Variants in MAGI1 observed in about 807,000 individuals in gnomAD.
The protein encoded by MAGI1 is membrane-associated guanylate kinase, WW and PDZ domain-containing protein 1.
In MAGI1, 58 loss-of-function variants were observed where a neutral mutation model predicts 139.9. The observed-to-expected ratio is 0.41, with a 90% CI of 0.34 to 0.52. MAGI1 has a LOEUF of 0.52. Among genes scored for constraint, MAGI1 ranks in the 20% least tolerant of loss-of-function variants. The pLI, the probability that MAGI1 is intolerant of heterozygous loss-of-function variation, is 0.12. For missense variants in MAGI1, 1,874 were observed against 1,901.6 expected, an observed-to-expected ratio of 0.99 and a Z score of 0.27; for synonymous variants, 812 against 737.9, an observed-to-expected ratio of 1.10 and a Z score of -1.63.
chr3:65,360,438 A>C, intron 22 of MAGI1: 1 of 982,976 alleles, frequency 1.0e-6, no homozygotes, highest in Non-Finnish European at 1.2e-6. Context: ...CCATCAGAAC[A>C]CTAAGCTATG....
At chr3:65,793,896 A>G (rs1293691148) in intron 1 of MAGI1, among the ~76,000 whole-genome samples, 6 of 152,260 alleles carry the variant, frequency 3.9e-5, no homozygotes, top group Non-Finnish European at 8.8e-5. Flanking sequence ...TTCTTTGTAG[A>G]TACAGATGCT....
chr3:65,968,744 T>C (rs1339245359), intron 1 of MAGI1, among the ~76,000 whole-genome samples: 1 of 152,100 alleles, frequency 6.6e-6, no homozygotes, highest in Non-Finnish European at 1.5e-5. Flanking sequence ...TTTATTATGA[T>C]TGAATTTTTT....
chr3:65,830,708 G>C (rs911207162), intron 1 of MAGI1, among the ~76,000 whole-genome samples: 10 of 152,168 alleles, frequency 6.6e-5, no homozygotes, highest in Non-Finnish European at 1.5e-4. Context: ...AATCAGATGT[G>C]TCCAAGTGAT....
intron 18 of MAGI1, among the ~76,000 whole-genome samples, chr3:65,370,925 G>A (rs1430697080): frequency 6.6e-6 from 1 of 152,222 alleles, no homozygotes; most frequent in African/African-American, 2.4e-5. Flanking sequence ...CACAAGTGCT[G>A]GGATTACAGG....
chr3:65,812,762 G>A (rs2041356421), intron 1 of MAGI1, among the ~76,000 whole-genome samples: 1 of 128,084 alleles, frequency 7.8e-6, no homozygotes, highest in Admixed American at 9.5e-5. Context: ...CCAGGCTGGA[G>A]TGCAATGGTG....
At chr3:65,582,384 T>A (rs1423136856) in intron 2 of MAGI1, among the ~76,000 whole-genome samples, 4 of 152,172 alleles carry the variant, frequency 2.6e-5, no homozygotes. Flanking sequence ...CCTAGTCTCC[T>A]CATGGTTGGT....
intron 1 of MAGI1, among the ~76,000 whole-genome samples, chr3:65,871,675 G>A (rs2059944071): frequency 6.6e-6 from 1 of 152,190 alleles, no homozygotes; most frequent in Non-Finnish European, 1.5e-5. Flanking sequence ...AAATCAGGCT[G>A]GGGGACTTAA....
chr3:65,491,083 C>G (rs1311688781), intron 3 of MAGI1, among the ~76,000 whole-genome samples: 1 of 151,950 alleles, frequency 6.6e-6, no homozygotes, highest in Non-Finnish European at 1.5e-5. Flanking sequence ...TGCTATACAC[C>G]AGGAAGTTAG....
rs149239898 is a variant in MAGI1, at chr3:65,755,814, A to C, written c.314-133726T>G. ...ATAAAATCTTATTAACCTCATGCCA[A>C]CTCATTTCAGATAGTTCTAATTTAA... is the stretch of plus-strand genomic sequence containing the variant. On this transcript the variant is annotated intron_variant, in intron 1 of 22. Transcript: ENST00000402939. Among the ~76,000 whole-genome samples, 47 of 152,280 alleles carry C rather than the reference A, an allele frequency of 3.1e-4. No homozygotes were observed. The East Asian group carries it at 7.9e-3, about 26-fold the overall frequency.
intron 5 of MAGI1, among the ~76,000 whole-genome samples, chr3:65,457,255 A>T (rs1949461474): frequency 6.6e-6 from 1 of 152,180 alleles, no homozygotes. Flanking sequence ...ATTGTATGTA[A>T]TACTTTATGA....
intron 7 of MAGI1, among the ~76,000 whole-genome samples, 155 bp downstream of exon 7, chr3:65,447,867 G>T (rs185914817): frequency 9.7e-4 from 147 of 152,322 alleles, no homozygotes; most frequent in Non-Finnish European, 1.9e-3. Context: ...CACGCAGGTT[G>T]TAAGACTGAC....
intron 1 of MAGI1, among the ~76,000 whole-genome samples, chr3:65,959,833 T>G (rs1262752548): frequency 1.8e-5 from 2 of 109,534 alleles, no homozygotes; most frequent in African/African-American, 6.9e-5. Flanking sequence ...TGAGACAGAG[T>G]CTCACTCTGT....
intron 1 of MAGI1, among the ~76,000 whole-genome samples, chr3:65,759,974 C>CTT (rs1274578335): frequency 2.0e-5 from 3 of 152,308 alleles, no homozygotes; most frequent in African/African-American, 7.2e-5. Context: ...CTAACCTTCA[C>CTT]TTTCCTGAGC....
At chr3:65,385,461 G>A (rs534137229) in intron 14 of MAGI1, among the ~76,000 whole-genome samples, 3 of 152,314 alleles carry the variant, frequency 2.0e-5, no homozygotes, top group Admixed American at 2.0e-4. Context: ...GCGCAGGCCT[G>A]AGAATTTAAT....
chr3:65,364,765 A>G (rs1941246394), intron 19 of MAGI1, 40 bp from the exon 20 acceptor site: 2 of 1,608,500 alleles, frequency 1.2e-6, no homozygotes, highest in East Asian at 2.2e-5. Context: ...GCAACCCATT[A>G]GCAAACTGAG....
intron 1 of MAGI1, among the ~76,000 whole-genome samples, chr3:66,024,673 G>C (rs1184446460): frequency 6.6e-6 from 1 of 152,164 alleles, no homozygotes; most frequent in Non-Finnish European, 1.5e-5. Flanking sequence ...GGGTGTGGTG[G>C]TGCATGCCTG....
intron 2 of MAGI1, among the ~76,000 whole-genome samples, chr3:65,615,169 G>A (rs1178990716): frequency 6.6e-6 from 1 of 152,154 alleles, no homozygotes; most frequent in East Asian, 1.9e-4. Flanking sequence ...CCATCACAAT[G>A]TCAGTTTTAT....
intron 2 of MAGI1, chr3:65,549,366 TCTTCCTG>T: frequency 1.3e-6 from 1 of 788,376 alleles, no homozygotes; most frequent in Non-Finnish European, 1.5e-6. Flanking sequence ...TCCCCTCCCC[TCTTCCTG>T]CTGTCACTTC....
At chr3:65,453,083 G>T in intron 6 of MAGI1, 175 bp downstream of exon 6, 1 of 604,360 alleles carries the variant, frequency 1.7e-6, no homozygotes, top group Non-Finnish European at 3.0e-6. Context: ...TTCTTCTCTT[G>T]AAACAACTCT....
Sources: gnomAD v4.1 joint callset for allele counts (sites outside exome capture counted in the v4.1 genomes callset) on GRCh38, gnomAD v4.1.1 for gene constraint, MANE v1.5 for transcripts, NCBI Gene and HGNC (gene_info 2026-07-23, HGNC 2026-07-21) for gene names.